The following GRIN3A variants were observed in gnomAD, a reference collection of about 807,000 sequenced individuals.
The protein encoded by GRIN3A is glutamate receptor ionotropic, NMDA 3A.
GRIN3A carries 47 observed loss-of-function variants against 92.4 expected under a neutral mutation model. The ratio of observed to expected loss-of-function variants is 0.51; its 90% CI spans 0.40 to 0.65. The LOEUF is 0.65. Among genes scored for constraint, GRIN3A ranks in the 30% least tolerant of loss-of-function variants. The pLI is 0.00. For missense variants in GRIN3A, 1,324 were observed against 1,393.1 expected (o/e 0.95, Z 0.79); for synonymous variants, 527 against 540.6 (o/e 0.97, Z 0.35).
chr9:101,627,525 T>A (rs1195430272), intron 4 of GRIN3A, among the ~76,000 whole-genome samples: 1 of 152,194 alleles, frequency 6.6e-6, no homozygotes, highest in Non-Finnish European at 1.5e-5. Flanking sequence ...GGTGTGGATG[T>A]CTGTTATTAT....
chr9:101,731,370 G>A (rs1232743387), intron 1 of GRIN3A, among the ~76,000 whole-genome samples: 2 of 152,094 alleles, frequency 1.3e-5, no homozygotes, highest in African/African-American at 4.8e-5. Context: ...TTGCTTTACA[G>A]GGCTGTTAGG....
intron 3 of GRIN3A, among the ~76,000 whole-genome samples, chr9:101,656,020 G>A (rs1452031733): frequency 5.3e-5 from 8 of 151,978 alleles, no homozygotes; most frequent in African/African-American, 1.9e-4. Flanking sequence ...GCTGGGAAGA[G>A]TGATTTGTGA....
intron 3 of GRIN3A, among the ~76,000 whole-genome samples, chr9:101,655,953 G>A (rs1289653086): frequency 6.6e-6 from 1 of 151,954 alleles, no homozygotes; most frequent in African/African-American, 2.4e-5. Flanking sequence ...GTGTAAAAGT[G>A]TGCAGATGAT....
chr9:101,692,937 A>T (rs1485383235), intron 1 of GRIN3A, among the ~76,000 whole-genome samples: 4 of 152,216 alleles, frequency 2.6e-5, no homozygotes, highest in East Asian at 1.9e-4. Flanking sequence ...AATAATAATT[A>T]TACAAATGAA....
chr9:101,652,988 A>G (rs1370451085), intron 3 of GRIN3A, among the ~76,000 whole-genome samples: 1 of 151,910 alleles, frequency 6.6e-6, no homozygotes, highest in Non-Finnish European at 1.5e-5. Context: ...AAAATTTTCC[A>G]TGGTTTGACT....
At chr9:101,618,439 T>G (rs534656414) in intron 5 of GRIN3A, among the ~76,000 whole-genome samples, 1 of 151,868 alleles carries the variant, frequency 6.6e-6, no homozygotes, top group African/African-American at 2.4e-5. Context: ...AAAAAACACA[T>G]GAAAAAATGC....
intron 3 of GRIN3A, among the ~76,000 whole-genome samples, chr9:101,662,457 A>G (rs1016242105): frequency 1.3e-5 from 2 of 151,784 alleles, no homozygotes; most frequent in African/African-American, 4.8e-5. Flanking sequence ...TGGGAGTGCT[A>G]TTTAACTTCA....
At position 101,623,530 on chromosome 9, in the gene GRIN3A, G is replaced by A. The variant is rs547604222; in HGVS notation, c.2499-97C>T. The stretch of plus-strand genomic sequence containing the variant: ...GGCTTTTGTTTAGGGGACAGAACCC[G>A]AACACTAAGGGCCGCACAAGCTACC... On this transcript the variant is annotated intron_variant, in intron 4 of 8. Coordinates refer to ENST00000361820, the MANE Select transcript of GRIN3A (RefSeq NM_133445.3). The A allele has an allele frequency of 2.4e-4, 207 of 858,458 alleles. 1 individual carries two copies. The highest frequency in any genetic ancestry group is 1.3e-3 in the Middle Eastern group (5 of 3,930). 53.2% of individuals were successfully genotyped at this position (858,458 alleles called of 1,614,324 possible).
At position 101,670,576 on chromosome 9, in the gene GRIN3A, G is replaced by T. The variant is rs760073167; in HGVS notation, c.1836C>A (p.His612Gln). Reference protein sequence around the residue: ...DGKYGAWKNGHWTGLVGDLLR... With the variant: ...DGKYGAWKNGQWTGLVGDLLR... Reference sequence around the variant, plus strand: ...GGAGATCACCCACTAGCCCAGTCCAGTGCCCATTTTTCCATGCTCCATACT... The same window carrying T: ...GGAGATCACCCACTAGCCCAGTCCATTGCCCATTTTTCCATGCTCCATACT... The change falls in exon 3 of 9, where the codon CAC becomes CAA. Residue 612 changes from histidine to glutamine, a missense_variant. Physicochemically the swap from His to Gln is conservative, Grantham distance 24. Transcript: ENST00000361820. 6.2e-7 allele frequency: 1 copy of T among 1,614,052 alleles called. No homozygotes were observed. Among genetic ancestry groups the T allele is most frequent in the Non-Finnish European group, 8.5e-7 (1 of 1,179,990 alleles).
chr9:101,591,177 C>G (rs1828018705), intron 6 of GRIN3A, among the ~76,000 whole-genome samples: 1 of 152,114 alleles, frequency 6.6e-6, no homozygotes, highest in Non-Finnish European at 1.5e-5. Context: ...TCAAGATGAG[C>G]CAAAGGTGGA....
chr9:101,650,507 A>G lies in GRIN3A; in HGVS notation c.2352+19553T>C, dbSNP rs142533272. On this transcript the variant is annotated intron_variant, in intron 3 of 8. Transcript: ENST00000361820. ...CAGAGCCACATCACCACAGCAAATTATTGAAGCCACTGTGTATCATCCAAC... is the reference window on the plus strand; with the variant it reads ...CAGAGCCACATCACCACAGCAAATTGTTGAAGCCACTGTGTATCATCCAAC... Among the ~76,000 whole-genome samples the G allele has an allele frequency of 7.2e-5, 11 of 152,192 alleles. No homozygotes were observed. In the East Asian group the frequency reaches 2.1e-3, roughly 30 times the overall value.
At chr9:101,733,260 C>A (rs1228952675) in intron 1 of GRIN3A, among the ~76,000 whole-genome samples, 1 of 152,168 alleles carries the variant, frequency 6.6e-6, no homozygotes, top group African/African-American at 2.4e-5. Flanking sequence ...GCGGGAGAGA[C>A]AAACTAATTG....
At chr9:101,729,252 TAACA>T (rs1830112296) in intron 1 of GRIN3A, among the ~76,000 whole-genome samples, 1 of 152,206 alleles carries the variant, frequency 6.6e-6, no homozygotes, top group Non-Finnish European at 1.5e-5. Flanking sequence ...GTTGTTGCTG[TAACA>T]AACTACCAAG....
rs888735922 is a variant in GRIN3A at position 101,668,017 on chromosome 9, A to T, written c.2352+2043T>A. ...TTTAGATTTAGGTTTGTCCCATTTCATTAAGAACTCACTAGTTGTAATGCA... is the reference window on the plus strand; with the variant it reads ...TTTAGATTTAGGTTTGTCCCATTTCTTTAAGAACTCACTAGTTGTAATGCA... On this transcript the variant is annotated intron_variant, in intron 3 of 8. Transcript: ENST00000361820. 3.3e-5 allele frequency among the ~76,000 whole-genome samples: 5 copies of T among 152,110 alleles called. No individual in the cohort carries two copies. In the East Asian group the frequency reaches 7.7e-4, roughly 24 times the overall value.
intron 1 of GRIN3A, among the ~76,000 whole-genome samples, chr9:101,723,349 G>C (rs572205196): frequency 1.3e-5 from 2 of 151,874 alleles, no homozygotes; most frequent in African/African-American, 4.8e-5. Context: ...AAGGCAGCGC[G>C]TCTGGAGTTG....
intron 6 of GRIN3A, chr9:101,593,666 T>G (rs1359021107): frequency 6.6e-6 from 1 of 152,278 alleles, no homozygotes; most frequent in African/African-American, 2.4e-5. Context: ...AATGCTGGTG[T>G]GGGCTGCCAA....
chr9:101,659,073 C>T (rs1032641290), intron 3 of GRIN3A, among the ~76,000 whole-genome samples: 1 of 151,840 alleles, frequency 6.6e-6, no homozygotes, highest in Non-Finnish European at 1.5e-5. Flanking sequence ...AAGGAGCCCT[C>T]TTGGGGGACT....
intron 3 of GRIN3A, among the ~76,000 whole-genome samples, chr9:101,649,543 T>C (rs1221931467): frequency 6.6e-6 from 1 of 151,970 alleles, no homozygotes; most frequent in Admixed American, 6.6e-5. Flanking sequence ...TCAGCAACCA[T>C]GGATCTAGGG....
chr9:101,654,612 C>CTT (rs755896647), intron 3 of GRIN3A, among the ~76,000 whole-genome samples: 1 of 150,710 alleles, frequency 6.6e-6, no homozygotes, highest in South Asian at 2.1e-4. Flanking sequence ...TTCAAGGTCT[C>CTT]TTTTTTTTTC....
Sources: allele counts gnomAD v4.1 joint callset (sites outside exome capture counted in the v4.1 genomes callset), GRCh38; gene constraint gnomAD v4.1.1; transcripts MANE v1.5; gene names NCBI Gene and HGNC (gene_info 2026-07-23, HGNC 2026-07-21).